ADGRL4: variants seen among roughly 807,000 people sequenced by gnomAD.
ADGRL4 encodes adhesion G protein-coupled receptor L4.
A neutral mutation model predicts 74.8 loss-of-function variants in ADGRL4; 90 were observed. The observed-to-expected ratio is 1.20, with a 90% CI of 1.02 to 1.43. The LOEUF (loss-of-function observed/expected upper bound fraction) is 1.43, where lower values mean the gene tolerates loss of function less well. Ranked by LOEUF, ADGRL4 falls within the 40% of genes most tolerant of loss-of-function variation. The pLI is 0.00. For missense variants in ADGRL4, 881 were observed against 814.3 expected (o/e 1.08, Z -1.00); for synonymous variants, 311 against 279.2 (o/e 1.11, Z -1.14).
At chr1:78,927,395 A>G (rs1649142076) in intron 7 of ADGRL4, among the ~76,000 whole-genome samples, 1 of 152,152 alleles carries the variant, frequency 6.6e-6, no homozygotes, top group African/African-American at 2.4e-5. Flanking sequence ...ACCAAGAACC[A>G]GAGTGTGAAG....
intron 8 of ADGRL4, among the ~76,000 whole-genome samples, chr1:78,922,104 T>C (rs1017958414): frequency 7.2e-5 from 11 of 152,062 alleles, no homozygotes; most frequent in Non-Finnish European, 1.2e-4. Flanking sequence ...TGTTTATCAT[T>C]AATCCAGGTA....
chr1:78,936,811 C>G (rs1322853883), intron 6 of ADGRL4, among the ~76,000 whole-genome samples: 1 of 152,050 alleles, frequency 6.6e-6, no homozygotes, highest in East Asian at 1.9e-4. Context: ...GTATTATCAC[C>G]ATTTTCATGC....
chr1:78,965,991 C>CA (rs201414584), intron 2 of ADGRL4, among the ~76,000 whole-genome samples: 2,634 of 107,760 alleles, frequency 0.024, 62 homozygotes, highest in African/African-American at 0.073. Context: ...AGGACAGAAC[C>CA]AAAAAAAAAA....
chr1:78,923,195 G>A (rs892208029), intron 8 of ADGRL4, among the ~76,000 whole-genome samples: 8 of 151,958 alleles, frequency 5.3e-5, no homozygotes, highest in Non-Finnish European at 1.2e-4. Context: ...AAGAATTGAG[G>A]AGCCAGACTG....
At chr1:79,005,272 C>T in intron 1 of ADGRL4, 53 bp from the exon 2 acceptor site, 1 of 1,351,074 alleles carries the variant, frequency 7.4e-7, no homozygotes, top group South Asian at 1.4e-5. Flanking sequence ...AACATCTCTC[C>T]CCATTGTTGA....
intron 12 of ADGRL4, among the ~76,000 whole-genome samples, chr1:78,895,112 G>A (rs1458531488): frequency 6.6e-6 from 1 of 151,926 alleles, no homozygotes; most frequent in East Asian, 1.9e-4. Flanking sequence ...GGGCAAGTGG[G>A]AGACTAATTC....
chr1:78,906,567 A>T (rs767019895), intron 12 of ADGRL4, among the ~76,000 whole-genome samples: 2 of 152,046 alleles, frequency 1.3e-5, no homozygotes, highest in Non-Finnish European at 2.9e-5. Context: ...TGTGAAGAGC[A>T]TTTACAACAA....
chr1:78,995,477 G>A (rs1570278452), intron 2 of ADGRL4, among the ~76,000 whole-genome samples: 1 of 152,162 alleles, frequency 6.6e-6, no homozygotes, highest in South Asian at 2.1e-4. Flanking sequence ...AAGTGGAGAC[G>A]AGATGAGTAC....
At chr1:78,947,188 T>TA (rs1308861188) in intron 2 of ADGRL4, among the ~76,000 whole-genome samples, 2 of 152,162 alleles carry the variant, frequency 1.3e-5, no homozygotes, top group Admixed American at 6.6e-5. Context: ...TGTTTTGGGT[T>TA]AAAAAACATA....
rs2100686505 is a variant in ADGRL4, at chr1:78,936,357, A to G, written c.815T>C (p.Met272Thr). Reference protein sequence around the residue: ...SYNMKHIHPHMNMDGDYINIF... With the variant: ...SYNMKHIHPHTNMDGDYINIF... ...ATTTATGTAGTCTCCATCCATATTC[A>G]TATGAGGATGAATATGTTTCATGTT... Residue 272 changes from methionine (M) to threonine (T), a missense_variant, in exon 7 of 15, where the codon ATG becomes ACG. Physicochemically the swap from Met to Thr is moderately conservative, Grantham distance 81. Coordinates refer to ENST00000370742, the MANE Select transcript of ADGRL4 (RefSeq NM_022159.4). 6.3e-7 allele frequency: 1 copy of G among 1,588,598 alleles called. No individual in the cohort carries two copies. The highest frequency in any genetic ancestry group is 1.4e-5 in the African/African-American group (1 of 73,132).
intron 2 of ADGRL4, among the ~76,000 whole-genome samples, chr1:78,961,993 G>C (rs1649962835): frequency 6.6e-6 from 1 of 151,306 alleles, no homozygotes; most frequent in Non-Finnish European, 1.5e-5. Flanking sequence ...CGATTCTCCT[G>C]CTTCAGCCTC....
chr1:78,974,913 A>G (rs1650246473), intron 2 of ADGRL4, among the ~76,000 whole-genome samples: 2 of 152,170 alleles, frequency 1.3e-5, no homozygotes, highest in Admixed American at 1.3e-4. Flanking sequence ...CATAGAGAAT[A>G]TTATTTCCCT....
chr1:78,891,176 C>T lies in ADGRL4; in HGVS notation c.2051G>A (p.Cys684Tyr), dbSNP rs767601963. ...TGTTTACCTTAAACATCCAAAACAA[C>T]AGGGGACATTTTTGAACAATCTGTA... ...EYYRLFKNVP[C>Y]CFGCLR Residue 684 changes from cysteine to tyrosine, a missense_variant, in exon 15 of 15, where the codon TGT (cysteine) becomes TAT (tyrosine). Transcript: ENST00000370742. 1.9e-6 allele frequency: 3 copies of T among 1,611,190 alleles called. No individual in the cohort carries two copies. Among genetic ancestry groups the T allele is most frequent in the Non-Finnish European group, 1.7e-6 (2 of 1,178,310 alleles).
intron 2 of ADGRL4, among the ~76,000 whole-genome samples, chr1:78,988,829 G>A (rs1650547917): frequency 6.6e-6 from 1 of 151,764 alleles, no homozygotes; most frequent in Admixed American, 6.6e-5. Context: ...ACAAAGTTGT[G>A]CTAATTATTC....
chr1:78,924,520 G>C (rs1649073154), intron 8 of ADGRL4, among the ~76,000 whole-genome samples: 1 of 151,984 alleles, frequency 6.6e-6, no homozygotes, highest in Non-Finnish European at 1.5e-5. Context: ...GCTGATAAAT[G>C]ACCCAGGGGT....
intron 12 of ADGRL4, among the ~76,000 whole-genome samples, chr1:78,900,000 C>T (rs1648484974): frequency 6.6e-6 from 1 of 152,032 alleles, no homozygotes; most frequent in South Asian, 2.1e-4. Context: ...CCTGGTTGAG[C>T]CCAATATAAT....
chr1:78,919,072 C>T (rs1318758032), intron 10 of ADGRL4, among the ~76,000 whole-genome samples: 2 of 151,826 alleles, frequency 1.3e-5, no homozygotes, highest in Non-Finnish European at 2.9e-5. Flanking sequence ...AATACCACTG[C>T]AAAACATAAA....
At chr1:78,977,150 T>C (rs1404006215) in intron 2 of ADGRL4, among the ~76,000 whole-genome samples, 4 of 151,716 alleles carry the variant, frequency 2.6e-5, no homozygotes, top group Non-Finnish European at 1.5e-5. Flanking sequence ...TAATTCACTA[T>C]ATTGACAAAA....
intron 2 of ADGRL4, among the ~76,000 whole-genome samples, chr1:78,996,368 C>T (rs1650714772): frequency 6.8e-6 from 1 of 146,374 alleles, no homozygotes; most frequent in South Asian, 2.2e-4. Flanking sequence ...TACTTAAGGA[C>T]ATAAAGATTA....
Sources: gnomAD v4.1 joint callset for allele counts (sites outside exome capture counted in the v4.1 genomes callset) on GRCh38, gnomAD v4.1.1 for gene constraint, MANE v1.5 for transcripts, NCBI Gene and HGNC (gene_info 2026-07-23, HGNC 2026-07-21) for gene names.